CELF4: variants seen among roughly 807,000 people sequenced by gnomAD.
CELF4 encodes the protein CUGBP Elav-like family member 4.
A neutral mutation model predicts 59.9 loss-of-function variants in CELF4; 18 were observed. That is an observed-to-expected ratio of 0.30 (90% CI 0.21 to 0.45). CELF4 has a LOEUF of 0.45. CELF4 is among the 20% of genes least tolerant of loss of function. CELF4 has a pLI of 1.00. For synonymous variants in CELF4, 261 were observed against 267.1 expected, an observed-to-expected ratio of 0.98 and a Z score of 0.22; for missense variants, 456 against 689.0, an observed-to-expected ratio of 0.66 and a Z score of 3.79.
intron 3 of CELF4, chr18:37,306,222 C>T (rs1300048505): frequency 6.6e-6 from 1 of 152,260 alleles, no homozygotes; most frequent in Non-Finnish European, 1.5e-5. Context: ...GACTGACTGT[C>T]AAGCCCTGGG....
chr18:37,420,818 C>T (rs1045048406), intron 2 of CELF4, among the ~76,000 whole-genome samples: 1 of 152,180 alleles, frequency 6.6e-6, no homozygotes, highest in African/African-American at 2.4e-5. Flanking sequence ...CCTGCCTTCC[C>T]ATGGATCAGA....
At chr18:37,471,270 C>G (rs2099827594) in intron 2 of CELF4, among the ~76,000 whole-genome samples, 1 of 152,148 alleles carries the variant, frequency 6.6e-6, no homozygotes, top group African/African-American at 2.4e-5. Flanking sequence ...ACTTCCTCAC[C>G]TCAGTCCTCT....
chr18:37,269,486 C>T (rs2090075474), intron 8 of CELF4, among the ~76,000 whole-genome samples: 1 of 152,176 alleles, frequency 6.6e-6, no homozygotes, highest in East Asian at 1.9e-4. Context: ...TTGTATAAAG[C>T]CCCACAGTGG....
chr18:37,419,736 G>C (rs1466504921), intron 2 of CELF4, among the ~76,000 whole-genome samples: 1 of 152,220 alleles, frequency 6.6e-6, no homozygotes, highest in East Asian at 1.9e-4. Context: ...GGACCCAGGG[G>C]ATGATGAGGG....
At chr18:37,396,928 A>G (rs2099252287) in intron 2 of CELF4, among the ~76,000 whole-genome samples, 2 of 152,098 alleles carry the variant, frequency 1.3e-5, no homozygotes, top group Non-Finnish European at 2.9e-5. Context: ...GTTTTTCTTA[A>G]TTAAAGGAGC....
At chr18:37,294,654 C>G (rs1339089526) in intron 3 of CELF4, among the ~76,000 whole-genome samples, 2 of 152,194 alleles carry the variant, frequency 1.3e-5, no homozygotes, top group Non-Finnish European at 2.9e-5. Context: ...AGAATCCAGC[C>G]TCTTCACCTT....
chr18:37,256,736 C>T (rs1349521852), intron 11 of CELF4, among the ~76,000 whole-genome samples: 1 of 152,068 alleles, frequency 6.6e-6, no homozygotes, highest in East Asian at 1.9e-4. Context: ...AGGCGCACAC[C>T]ACCACATCCA....
At chr18:37,416,247 C>CATCT (rs1278836456) in intron 2 of CELF4, among the ~76,000 whole-genome samples, 2 of 152,106 alleles carry the variant, frequency 1.3e-5, no homozygotes, top group Non-Finnish European at 2.9e-5. Context: ...TCCATCCATC[C>CATCT]ATCCAATATA....
At chr18:37,474,602 T>C (rs1164001223) in intron 2 of CELF4, among the ~76,000 whole-genome samples, 1 of 152,240 alleles carries the variant, frequency 6.6e-6, no homozygotes, top group Non-Finnish European at 1.5e-5. Context: ...TCCTCTTCCA[T>C]ACAATAGCAC....
chr18:37,528,639 G>T (rs1032398222), intron 1 of CELF4, among the ~76,000 whole-genome samples: 1 of 152,192 alleles, frequency 6.6e-6, no homozygotes, highest in East Asian at 1.9e-4. Flanking sequence ...GTGTTTGTGT[G>T]TGTCTGTACG....
intron 3 of CELF4, among the ~76,000 whole-genome samples, chr18:37,278,524 G>A (rs866174868): frequency 6.6e-6 from 1 of 152,168 alleles, no homozygotes; most frequent in Non-Finnish European, 1.5e-5. Flanking sequence ...CCGCTCCCCT[G>A]CTCCACAACT....
intron 2 of CELF4, among the ~76,000 whole-genome samples, chr18:37,483,513 C>G (rs572781947): frequency 4.3e-4 from 66 of 152,338 alleles, no homozygotes; most frequent in Non-Finnish European, 8.7e-4. Flanking sequence ...ATCTTCCCCC[C>G]TCCCCGTCCC....
rs143883168 is a variant in CELF4, at chr18:37,399,233, G to A, written c.370-77352C>T. Among the ~76,000 whole-genome samples the A allele has an allele frequency of 4.6e-5, 7 of 152,258 alleles. No individual in the cohort carries two copies. In the East Asian group the frequency reaches 1.2e-3, roughly 25 times the overall value. On this transcript the variant is annotated intron_variant, in intron 2 of 12. Coordinates refer to ENST00000420428, the MANE Select transcript of CELF4 (RefSeq NM_020180.4). ...GATGGGACATTTAAGAGGTGATTAG[G>A]TCATGAGGGGTCTGTCATGGTGAAT... is the stretch of plus-strand genomic sequence containing the variant.
intron 2 of CELF4, among the ~76,000 whole-genome samples, chr18:37,441,515 T>A (rs1167091029): frequency 6.6e-6 from 1 of 152,046 alleles, no homozygotes; most frequent in East Asian, 1.9e-4. Context: ...TTATTTACAG[T>A]AATGGGGCAA....
chr18:37,254,003 G>A lies in CELF4; in HGVS notation c.1334-65C>T, dbSNP rs1330988610. 2.2e-6 allele frequency: 3 copies of A among 1,394,546 alleles called. No individual in the cohort carries two copies. Among genetic ancestry groups the A allele is most frequent in the Non-Finnish European group, 2.9e-6 (3 of 1,033,524 alleles). 86.4% of individuals were successfully genotyped at this position (1,394,546 alleles called of 1,614,324 possible). On this transcript the variant is annotated intron_variant, in intron 11 of 12. Coordinates refer to ENST00000420428, the MANE Select transcript of CELF4 (RefSeq NM_020180.4). The surrounding 1 kb of genome is among the most constrained non-coding windows in gnomAD (Gnocchi z 5.1). Reference sequence around the variant, plus strand: ...GGCCGCCCGGGGCGCTGCCGGCGGGGAGGGGTCGGGGGACAGGGGGGCGGG... The same window carrying A: ...GGCCGCCCGGGGCGCTGCCGGCGGGAAGGGGTCGGGGGACAGGGGGGCGGG...
chr18:37,556,342 A>G (rs1278205857), intron 1 of CELF4, among the ~76,000 whole-genome samples: 2 of 152,184 alleles, frequency 1.3e-5, no homozygotes, highest in Non-Finnish European at 2.9e-5. Flanking sequence ...ATTCAGCTCT[A>G]CTTTCTAAAG....
intron 5 of CELF4, 165 bp downstream of exon 5, chr18:37,274,640 C>A: frequency 6.7e-7 from 1 of 1,496,376 alleles, no homozygotes; most frequent in Non-Finnish European, 8.9e-7. Flanking sequence ...TAACCTCAGG[C>A]CAGTTCCTTA....
chr18:37,539,594 T>C (rs2099976294), intron 1 of CELF4, among the ~76,000 whole-genome samples: 1 of 152,022 alleles, frequency 6.6e-6, no homozygotes. Flanking sequence ...CACATGCCCA[T>C]GTGTGTGTCT....
At chr18:37,311,643 G>T (rs967368596) in intron 3 of CELF4, among the ~76,000 whole-genome samples, 13 of 151,858 alleles carry the variant, frequency 8.6e-5, no homozygotes, top group Non-Finnish European at 1.9e-4. Context: ...CAAAAAATTA[G>T]CTGGGCATGG....
Sources: gnomAD v4.1 joint callset for allele counts (sites outside exome capture counted in the v4.1 genomes callset) on GRCh38, gnomAD v4.1.1 for gene constraint, Gnocchi (gnomAD v3.1) non-coding constraint, MANE v1.5 for transcripts, NCBI Gene and HGNC (gene_info 2026-07-23, HGNC 2026-07-21) for gene names.